SNX27: variants seen among roughly 807,000 people sequenced by gnomAD.
SNX27 encodes the protein sorting nexin 27.
In SNX27, 22 loss-of-function variants were observed where a neutral mutation model predicts 71.6. That is an observed-to-expected ratio of 0.31 (90% CI 0.22 to 0.44). The LOEUF (loss-of-function observed/expected upper bound fraction) is 0.44, where lower values mean the gene tolerates loss of function less well. Ranked by LOEUF, SNX27 falls within the 20% of genes least tolerant of loss-of-function variation. The probability of loss-of-function intolerance (pLI) is 1.00; values close to 1 mark genes in which losing one functional copy is unlikely to be tolerated. For synonymous variants in SNX27, 269 were observed against 277.2 expected, an observed-to-expected ratio of 0.97 and a Z score of 0.29; for missense variants, 531 against 698.6, an observed-to-expected ratio of 0.76 and a Z score of 2.70.
intron 11 of SNX27, chr1:151,693,942 G>T: frequency 7.7e-7 from 1 of 1,298,714 alleles, no homozygotes; most frequent in Non-Finnish European, 9.8e-7. Flanking sequence ...GCCAGTGCTG[G>T]AACAGAATTT....
intron 1 of SNX27, among the ~76,000 whole-genome samples, chr1:151,618,447 C>T (rs370824728): frequency 6.6e-6 from 1 of 152,094 alleles, no homozygotes. Context: ...CATTACCTTC[C>T]CCTCAGAAAT....
At chr1:151,675,402 AT>A (rs1362750965) in intron 7 of SNX27, among the ~76,000 whole-genome samples, 11 of 152,048 alleles carry the variant, frequency 7.2e-5, no homozygotes, top group Non-Finnish European at 1.5e-5. Context: ...TGGATGTATA[AT>A]TTTTACATAG....
chr1:151,631,635 A>G lies in SNX27; in HGVS notation c.312-7253A>G, dbSNP rs528663495. ...TGTTGGATATTATTTGGCTGAACAAATTACTTTTCAAATACTTGGTCAGAA... is the reference window on the plus strand; with the variant it reads ...TGTTGGATATTATTTGGCTGAACAAGTTACTTTTCAAATACTTGGTCAGAA... On this transcript the variant is annotated intron_variant, in intron 1 of 11. Coordinates refer to ENST00000458013, the MANE Select transcript of SNX27 (RefSeq NM_001330723.2). Among the ~76,000 whole-genome samples the G allele has an allele frequency of 5.9e-5, 9 of 152,330 alleles. No individual in the cohort carries two copies. The East Asian group carries it at 1.2e-3, about 20-fold the overall frequency.
intron 2 of SNX27, among the ~76,000 whole-genome samples, chr1:151,643,264 TTTTATTTATTTATTTA>T (rs201505831): frequency 2.4e-4 from 33 of 139,100 alleles, no homozygotes; most frequent in Admixed American, 6.7e-4. Context: ...ACGCCTGGCC[TTTTATTTATTTATTTA>T]TTTATTTATT....
chr1:151,662,613 G>A (rs1402392717), intron 5 of SNX27: 3 of 165,180 alleles, frequency 1.8e-5, no homozygotes, highest in South Asian at 1.3e-4. Context: ...CTCCTGAGTA[G>A]CTGGGACTAC....
chr1:151,650,747 G>A (rs1161841618), intron 2 of SNX27, among the ~76,000 whole-genome samples: 1 of 151,964 alleles, frequency 6.6e-6, no homozygotes, highest in South Asian at 2.1e-4. Context: ...AGGACCCTGC[G>A]GCCTTCCGCA....
In SNX27 at chr1:151,681,235, C is replaced by CTTTTTTTTTT. The variant is rs762924986; in HGVS notation, c.1150-2106_1150-2097dup. On this transcript the variant is annotated intron_variant, in intron 7 of 11. Coordinates refer to ENST00000458013, the MANE Select transcript of SNX27 (RefSeq NM_001330723.2). ...CTAGAAGTTGAATTAGTCTCTCAAT[C>CTTTTTTTTTT]TTTTTTTTTTTTTTTTTTTTTTTTG... is the stretch of plus-strand genomic sequence containing the variant. Among the ~76,000 whole-genome samples the CTTTTTTTTTT allele has an allele frequency of 1.9e-3, 116 of 60,694 alleles. 17 individuals carry two copies. The highest frequency in any genetic ancestry group is 5.9e-3 in the African/African-American group (93 of 15,714). The allele number at this position is 60,694 out of a possible 152,430, so 39.8% of individuals were successfully genotyped here. A position where few individuals can be genotyped will look rare whatever the true frequency, so the allele number is the denominator to read the frequency against.
rs1280028273 is a variant in SNX27 at position 151,663,152 on chromosome 1, A to AT, written c.906+898dup. On this transcript the variant is annotated intron_variant, in intron 5 of 11. Coordinates refer to ENST00000458013, the MANE Select transcript of SNX27 (RefSeq NM_001330723.2). ...AAACAAGGTCCTTAGATCACATTTG[A>AT]TTTTTTTTTTTTTTTTGAGACGGAG... Among the ~76,000 whole-genome samples the AT allele has an allele frequency of 5.2e-3, 731 of 140,434 alleles. 2 individuals carry two copies. The highest frequency in any genetic ancestry group is 0.012 in the African/African-American group (474 of 38,548). The allele number at this position is 140,434 out of a possible 152,430, so 92.1% of individuals were successfully genotyped here.
intron 1 of SNX27, among the ~76,000 whole-genome samples, chr1:151,636,155 A>C (rs1668448229): frequency 6.6e-6 from 1 of 152,236 alleles, no homozygotes; most frequent in Non-Finnish European, 1.5e-5. Flanking sequence ...CTACCAACAG[A>C]GTGCCCTAGA....
chr1:151,613,100 C>G (rs1003233176), intron 1 of SNX27: 1 of 152,564 alleles, frequency 6.6e-6, no homozygotes, highest in Non-Finnish European at 1.5e-5. Context: ...TAGTTACCCT[C>G]TCCTCATGGT....
intron 6 of SNX27, 51 bp downstream of exon 6, chr1:151,666,062 G>T: frequency 7.0e-7 from 1 of 1,422,094 alleles, no homozygotes; most frequent in South Asian, 1.2e-5. Context: ...CTATGAGAAA[G>T]AAACATTTAC....
chr1:151,629,034 T>G (rs1037424779), intron 1 of SNX27, among the ~76,000 whole-genome samples: 4 of 152,162 alleles, frequency 2.6e-5, no homozygotes, highest in Non-Finnish European at 5.9e-5. Flanking sequence ...CTTTTTGGTG[T>G]TGTAGCTGAG....
At chr1:151,645,907 T>C (rs1386817615) in intron 2 of SNX27, among the ~76,000 whole-genome samples, 2 of 152,220 alleles carry the variant, frequency 1.3e-5, no homozygotes, top group Non-Finnish European at 2.9e-5. Context: ...ATTGTTTTTG[T>C]ATTTCGTCCA....
intron 2 of SNX27, among the ~76,000 whole-genome samples, chr1:151,656,969 A>G (rs956666527): frequency 2.6e-4 from 39 of 152,238 alleles, no homozygotes; most frequent in African/African-American, 9.4e-4. Context: ...TGCAAAAAAT[A>G]TATAAAAAGA....
rs151118581 is a variant in SNX27, at chr1:151,691,157, C to T, written c.1240-1278C>T. On this transcript the variant is annotated intron_variant, in intron 8 of 11. Coordinates refer to ENST00000458013, the MANE Select transcript of SNX27 (RefSeq NM_001330723.2). ...AAAGTGAAATAGAAGGTGGTATGTG[C>T]CTATAGTCCCAGCTACTCAGGAGGC... is the stretch of plus-strand genomic sequence containing the variant. Among the ~76,000 whole-genome samples the T allele has an allele frequency of 7.7e-4, 117 of 152,124 alleles. 2 individuals are homozygous for T. The East Asian group carries it at 0.015, about 19-fold the overall frequency.
At chr1:151,628,930 G>A (rs1020595129) in intron 1 of SNX27, among the ~76,000 whole-genome samples, 2 of 152,010 alleles carry the variant, frequency 1.3e-5, no homozygotes. Flanking sequence ...AGTCTGTTTT[G>A]TTTTTTCATT....
intron 7 of SNX27, chr1:151,678,792 C>A (rs111889347): frequency 3.2e-4 from 48 of 152,286 alleles, no homozygotes; most frequent in African/African-American, 1.1e-3. Context: ...CGGCTCACTC[C>A]AACCCGTGCC....
rs993535169 is a variant in SNX27, at chr1:151,652,403, CT to C, written c.544-5812del. On this transcript the variant is annotated intron_variant, in intron 2 of 11. Coordinates refer to ENST00000458013, the MANE Select transcript of SNX27 (RefSeq NM_001330723.2). The stretch of plus-strand genomic sequence containing the variant: ...GAACTCTTCATTTTTGATACCACGC[CT>C]TTTTTTTTTTTTTTTTTTTCCTCAG... 1.4e-3 allele frequency among the ~76,000 whole-genome samples: 191 copies of C among 133,272 alleles called. 1 individual carries two copies. Among genetic ancestry groups the C allele is most frequent in the African/African-American group, 2.9e-3 (104 of 35,634 alleles). The allele number at this position is 133,272 out of a possible 152,430, so 87.4% of individuals were successfully genotyped here. A position where few individuals can be genotyped will look rare whatever the true frequency, so the allele number is the denominator to read the frequency against.
At chr1:151,658,143 G>A in intron 2 of SNX27, 92 bp from the exon 3 acceptor site, 1 of 1,147,218 alleles carries the variant, frequency 8.7e-7, no homozygotes, top group Non-Finnish European at 1.2e-6. Context: ...ATAGCAGAAT[G>A]CATCTAACCA....
Sources: gnomAD v4.1 joint callset for allele counts (sites outside exome capture counted in the v4.1 genomes callset) on GRCh38, gnomAD v4.1.1 for gene constraint, MANE v1.5 for transcripts, NCBI Gene and HGNC (gene_info 2026-07-23, HGNC 2026-07-21) for gene names.